SETX: variants seen among roughly 807,000 people sequenced by gnomAD.
SETX encodes senataxin.
A neutral mutation model predicts 227.2 loss-of-function variants in SETX; 90 were observed. The ratio of observed to expected loss-of-function variants is 0.40; its 90% CI spans 0.33 to 0.47. The LOEUF is 0.47. SETX is among the 20% of genes least tolerant of loss of function. The probability of loss-of-function intolerance (pLI) is 0.91; values close to 1 mark genes in which losing one functional copy is unlikely to be tolerated. For missense variants in SETX, 3,052 were observed against 3,181.5 expected (o/e 0.96, Z 0.98); for synonymous variants, 1,210 against 1,113.2 (o/e 1.09, Z -1.73).
chr9:132,307,339 T>C (rs1589692606), intron 11 of SETX, among the ~76,000 whole-genome samples: 1 of 83,912 alleles, frequency 1.2e-5, no homozygotes, highest in Non-Finnish European at 2.1e-5. Flanking sequence ...GCTAAATAAG[T>C]TTTTTTTTTT....
At chr9:132,310,710 G>C (rs1845597313) in intron 11 of SETX, among the ~76,000 whole-genome samples, 1 of 152,164 alleles carries the variant, frequency 6.6e-6, no homozygotes, top group African/African-American at 2.4e-5. Flanking sequence ...AATTGAACAT[G>C]AGTTTGAAGT....
intron 6 of SETX, among the ~76,000 whole-genome samples, chr9:132,335,032 GA>G (rs58780019): frequency 1.2e-4 from 18 of 148,476 alleles, no homozygotes; most frequent in South Asian, 2.1e-4. Context: ...CACTAAGAAA[GA>G]AAAAAAAAAT....
intron 10 of SETX, among the ~76,000 whole-genome samples, chr9:132,321,959 C>T (rs547936284): frequency 2.7e-4 from 41 of 152,286 alleles, no homozygotes; most frequent in African/African-American, 9.4e-4. Context: ...CTCAGAGCTT[C>T]TGGTGTTTTC....
At chr9:132,301,290 T>C (rs979815496) in intron 11 of SETX, among the ~76,000 whole-genome samples, 8 of 151,946 alleles carry the variant, frequency 5.3e-5, no homozygotes, top group African/African-American at 1.9e-4. Flanking sequence ...GGTTTCACTG[T>C]GTTAGCCAGG....
chr9:132,309,701 G>C (rs1207861722), intron 11 of SETX, among the ~76,000 whole-genome samples: 1 of 151,942 alleles, frequency 6.6e-6, no homozygotes, highest in South Asian at 2.1e-4. Flanking sequence ...AAAAAAAAGG[G>C]GGAACATAAA....
At chr9:132,355,854 G>A (rs960894373), upstream of SETX, among the ~76,000 whole-genome samples, 1 of 152,000 alleles carries the variant, frequency 6.6e-6, no homozygotes, top group Non-Finnish European at 1.5e-5. Context: ...GGGCGTGGTG[G>A]CGGGTGCCTG....
chr9:132,269,376 G>GT (rs745474607), intron 25 of SETX: 1 of 1,469,402 alleles, frequency 6.8e-7, no homozygotes, highest in Non-Finnish European at 9.2e-7. Context: ...ATCCTATGAT[G>GT]TGGATAATTT....
At chr9:132,318,369 G>A (rs925759104) in intron 10 of SETX, among the ~76,000 whole-genome samples, 8 of 152,012 alleles carry the variant, frequency 5.3e-5, no homozygotes, top group African/African-American at 1.9e-4. Flanking sequence ...TTCTCTTATA[G>A]TGACTACACT....
rs780702343 is a variant in SETX at position 132,327,496 on chromosome 9, A to C, written c.4102T>G (p.Cys1368Gly). The C allele has an allele frequency of 2.5e-6, 4 of 1,614,122 alleles. No homozygotes were observed. The highest frequency in any genetic ancestry group is 3.3e-5 in the Admixed American group (2 of 60,022). ...SQKNRRRLSD[C>G]ESTDVKRAGS... is the part of the protein sequence containing the mutation. ...GCTCTTTTAACATCTGTACTTTCAC[A>C]ATCAGAAAGTCTTCGTCTATTTTTT... Residue 1368 changes from cysteine to glycine, a missense_variant, in exon 10 of 26, where the codon TGT (cysteine) becomes GGT (glycine). By Grantham distance (159) the Cys-to-Gly change is radical. This residue lies in a region of SETX where 1,483 missense variants were observed against 1,312.0 expected (regional missense o/e 1.13). Transcript: ENST00000224140.
intron 4 of SETX, among the ~76,000 whole-genome samples, chr9:132,344,670 C>T (rs1336924689): frequency 2.0e-5 from 3 of 152,048 alleles, no homozygotes; most frequent in African/African-American, 4.8e-5. Context: ...AGGTCAGGAG[C>T]TTGAGACTAG....
chr9:132,352,478 G>A (rs1429062287), intron 2 of SETX, among the ~76,000 whole-genome samples: 5 of 152,180 alleles, frequency 3.3e-5, no homozygotes, highest in African/African-American at 9.7e-5. Flanking sequence ...CAGGCAGGGC[G>A]CAGTGGCTCA....
At chr9:132,310,258 T>C (rs770722296) in intron 11 of SETX, among the ~76,000 whole-genome samples, 1 of 152,232 alleles carries the variant, frequency 6.6e-6, no homozygotes, top group Admixed American at 6.5e-5. Flanking sequence ...AAACAATCTA[T>C]ACAAATGTGT....
chr9:132,323,506 T>C lies in SETX; in HGVS notation c.5274+2818A>G, dbSNP rs371516489. Among the ~76,000 whole-genome samples, 47 of 152,022 alleles carry C rather than the reference T, an allele frequency of 3.1e-4. 2 individuals carry two copies. In the South Asian group the frequency reaches 9.4e-3, roughly 30 times the overall value. ...AGGGTGAGGGAACAGGAAGAGTGTGTGCAAGGGTTGGGCTGGAAATGGGGG... is the reference window on the plus strand; with the variant it reads ...AGGGTGAGGGAACAGGAAGAGTGTGCGCAAGGGTTGGGCTGGAAATGGGGG... On this transcript the variant is annotated intron_variant, in intron 10 of 25. Transcript: ENST00000224140.
intron 15 of SETX, among the ~76,000 whole-genome samples, chr9:132,289,757 G>A (rs1844177757): frequency 6.6e-6 from 1 of 152,090 alleles, no homozygotes. Context: ...AGAAATTCTT[G>A]GATATAATAA....
rs1484763565 is a variant in SETX at position 132,337,775 on chromosome 9, T to C, written c.499-1260A>G. Among the ~76,000 whole-genome samples the C allele has an allele frequency of 2.0e-5, 3 of 152,220 alleles. No homozygotes were observed. In the South Asian group the frequency reaches 6.2e-4, roughly 31 times the overall value. On this transcript the variant is annotated intron_variant, in intron 5 of 25. Transcript: ENST00000224140. ...GAGTGCTGGAGTTAGGAAATGACCA[T>C]CTTGCAATCACCATAGTTCAGGCAA... is the stretch of plus-strand genomic sequence containing the variant.
At position 132,348,022 on chromosome 9, in the gene SETX, C is replaced by T. The variant is rs1234735106; in HGVS notation, c.177+1230G>A. Among the ~76,000 whole-genome samples the T allele has an allele frequency of 5.3e-5, 8 of 151,106 alleles. No homozygotes were observed. The East Asian group carries it at 1.5e-3, about 29-fold the overall frequency. ...GCCCTTAAAGGTTTATGCCATTTGCCCATTAAAAAAAGAAAAAAAGAAGTT... is the reference window on the plus strand; with the variant it reads ...GCCCTTAAAGGTTTATGCCATTTGCTCATTAAAAAAAGAAAAAAAGAAGTT... On this transcript the variant is annotated intron_variant, in intron 3 of 25. Transcript: ENST00000224140.
intron 1 of SETX, among the ~76,000 whole-genome samples, chr9:132,354,253 G>T (rs1006833114): frequency 1.3e-5 from 2 of 152,172 alleles, no homozygotes; most frequent in East Asian, 3.9e-4. Context: ...GAAGGGACCG[G>T]CCGGGCGCGG....
Position 132,264,770 on chromosome 9 carries a change from C to T in SETX, c.7503G>A (p.Lys2501=). ...PSSKLDSGFA[K]TSVAASLYHT... ...GGTATAGAGAAGCAGCAACAGATGT[C>T]TTGGCAAATCCACTGTCTAGCTTGC... The change falls in exon 26 of 26, where the codon AAG becomes AAA. Residue 2501 remains lysine (K), a synonymous_variant. Coordinates refer to ENST00000224140, the MANE Select transcript of SETX (RefSeq NM_015046.7). 1 of 1,614,198 alleles carries T rather than the reference C, an allele frequency of 6.2e-7. No homozygotes were observed. The highest frequency in any genetic ancestry group is 1.1e-5 in the South Asian group (1 of 91,088).
intron 22 of SETX, among the ~76,000 whole-genome samples, chr9:132,276,125 C>T (rs1320637904): frequency 1.3e-5 from 2 of 152,168 alleles, no homozygotes; most frequent in Admixed American, 1.3e-4. Context: ...ATTCCTGAGG[C>T]TACCTTACCC....
Sources: gnomAD v4.1 joint callset for allele counts (sites outside exome capture counted in the v4.1 genomes callset) on GRCh38, gnomAD v4.1.1 for gene constraint, gnomAD v4.1.1 regional missense constraint, MANE v1.5 for transcripts, NCBI Gene and HGNC (gene_info 2026-07-23, HGNC 2026-07-21) for gene names.